The following TMC1 variants were observed in gnomAD, a reference collection of about 807,000 sequenced individuals.
The protein encoded by TMC1 is transmembrane channel-like protein 1.
A neutral mutation model predicts 105.8 loss-of-function variants in TMC1; 84 were observed. The ratio of observed to expected loss-of-function variants is 0.79; its 90% CI spans 0.67 to 0.95. The LOEUF (loss-of-function observed/expected upper bound fraction) is 0.95. Among genes scored for constraint, TMC1 ranks in the 40% least tolerant of loss-of-function variants. TMC1 has a pLI of 0.00. For missense variants in TMC1, 817 were observed against 914.1 expected (o/e 0.89, Z 1.37); for synonymous variants, 315 against 311.5 (o/e 1.01, Z -0.12).
In TMC1 at chr9:72,555,305, C is replaced by T. The variant is rs146150161; in HGVS notation, c.-427-22597C>T. Among the ~76,000 whole-genome samples, 340 of 151,632 alleles carry T rather than the reference C, an allele frequency of 2.2e-3. 3 individuals are homozygous for T. The highest frequency in any genetic ancestry group is 7.9e-3 in the African/African-American group (327 of 41,346). ...CCATCTCCCGGGTTCAAGTGATTCT[C>T]CTGCCTCAGCCTCCCAAGTAGATGG... On this transcript the variant is annotated intron_variant, in intron 1 of 23. Transcript: ENST00000297784.
At chr9:72,802,858 CT>C (rs199905213) in intron 17 of TMC1, among the ~76,000 whole-genome samples, 2,340 of 152,232 alleles carry the variant, frequency 0.015, 29 homozygotes, top group Non-Finnish European at 0.022. Context: ...CATTGACATT[CT>C]TCACAGAATT....
chr9:72,655,931 T>A (rs1825877671), intron 5 of TMC1: 1 of 798,782 alleles, frequency 1.3e-6, no homozygotes, highest in East Asian at 2.4e-5. Flanking sequence ...AGTCAATGAG[T>A]CGCTTGTGGA....
At chr9:72,600,276 G>A (rs1165671695) in intron 2 of TMC1, among the ~76,000 whole-genome samples, 3 of 152,166 alleles carry the variant, frequency 2.0e-5, no homozygotes, top group African/African-American at 7.2e-5. Context: ...CTATACTCAA[G>A]CAACAAAATG....
At chr9:72,675,885 C>T (rs1014383431) in intron 5 of TMC1, among the ~76,000 whole-genome samples, 1 of 152,050 alleles carries the variant, frequency 6.6e-6, no homozygotes, top group Non-Finnish European at 1.5e-5. Flanking sequence ...TGAGAGAAGT[C>T]GTGTAAATCT....
At chr9:72,758,170 C>A (rs547162098) in intron 12 of TMC1, among the ~76,000 whole-genome samples, 4 of 152,106 alleles carry the variant, frequency 2.6e-5, no homozygotes, top group Admixed American at 2.6e-4. Context: ...TTTGTTTTGG[C>A]AATGATTATA....
chr9:72,758,633 C>T (rs1467158290), intron 12 of TMC1, among the ~76,000 whole-genome samples: 1 of 152,124 alleles, frequency 6.6e-6, no homozygotes, highest in Non-Finnish European at 1.5e-5. Flanking sequence ...CCTTTAAGAA[C>T]TCCCATAGAA....
intron 13 of TMC1, among the ~76,000 whole-genome samples, chr9:72,781,080 T>G (rs955029587): frequency 1.3e-5 from 2 of 152,178 alleles, no homozygotes; most frequent in African/African-American, 4.8e-5. Context: ...AAAGCAATTC[T>G]CAGCAAATTA....
At chr9:72,603,459 A>G (rs1824854515) in intron 2 of TMC1, among the ~76,000 whole-genome samples, 1 of 151,456 alleles carries the variant, frequency 6.6e-6, no homozygotes, top group Non-Finnish European at 1.5e-5. Context: ...AGCATTTTTC[A>G]TGGGTATGTT....
intron 5 of TMC1, among the ~76,000 whole-genome samples, chr9:72,656,636 A>G (rs926124994): frequency 2.0e-5 from 3 of 152,136 alleles, no homozygotes; most frequent in Admixed American, 1.3e-4. Flanking sequence ...GGGAGGCAAT[A>G]TTTTCCCTAC....
At chr9:72,560,708 C>G (rs1328685829) in intron 1 of TMC1, among the ~76,000 whole-genome samples, 1 of 151,740 alleles carries the variant, frequency 6.6e-6, no homozygotes, top group Non-Finnish European at 1.5e-5. Flanking sequence ...CCGTGTTAGC[C>G]AGGATGGTCT....
At chr9:72,544,792 T>TA (rs996522933) in intron 1 of TMC1, among the ~76,000 whole-genome samples, 3 of 151,028 alleles carry the variant, frequency 2.0e-5, no homozygotes, top group Non-Finnish European at 3.0e-5. Context: ...TTTACCTTTT[T>TA]TTTTTTTAAT....
intron 8 of TMC1, among the ~76,000 whole-genome samples, chr9:72,720,330 C>T (rs562484039): frequency 2.0e-5 from 3 of 152,168 alleles, no homozygotes; most frequent in African/African-American, 7.2e-5. Context: ...ATGCTCAAAT[C>T]ACATGGCTTA....
rs777777359 is a variant in TMC1, at chr9:72,820,888, C to T, written c.1810C>T (p.Arg604Ter). Residue 604 changes from arginine to a stop codon, truncating the protein, a stop_gained, in exon 20 of 24, where the codon CGA (arginine) becomes TGA (stop). Transcript: ENST00000297784. LOFTEE classifies it high-confidence loss of function. ...CAGCCTCCCAGGCATCAATATCCTT[C>T]GACTCCATACATCCATGTACTTCCA... Reference protein sequence around the residue: ...APSLPGINILRLHTSMYFQCW... With the variant: ...APSLPGINIL 8 of 1,614,174 alleles carry T rather than the reference C, an allele frequency of 5.0e-6. No individual in the cohort carries two copies. The highest frequency in any genetic ancestry group is 2.2e-5 in the East Asian group (1 of 44,874).
chr9:72,664,448 T>C (rs1180398558), intron 5 of TMC1, among the ~76,000 whole-genome samples: 6 of 152,210 alleles, frequency 3.9e-5, no homozygotes, highest in Non-Finnish European at 7.3e-5. Flanking sequence ...CATTCCTGTT[T>C]GTGCATCCAA....
chr9:72,731,447 A>G (rs997579993), intron 8 of TMC1, among the ~76,000 whole-genome samples: 4 of 152,340 alleles, frequency 2.6e-5, no homozygotes, highest in African/African-American at 9.6e-5. Flanking sequence ...GAAAAGGAAG[A>G]AAATAGGTGT....
intron 10 of TMC1, among the ~76,000 whole-genome samples, chr9:72,746,735 C>T (rs1588062613): frequency 6.6e-6 from 1 of 152,104 alleles, no homozygotes; most frequent in Admixed American, 6.6e-5. Flanking sequence ...TAGTGTGAAG[C>T]GGATTCTCAC....
intron 5 of TMC1, among the ~76,000 whole-genome samples, chr9:72,675,071 T>C (rs143920141): frequency 1.2e-4 from 19 of 152,280 alleles, no homozygotes; most frequent in Non-Finnish European, 2.5e-4. Flanking sequence ...ACTAAATCTT[T>C]AAAATTCTCT....
chr9:72,772,354 C>A (rs1004156899), intron 12 of TMC1, 59 bp from the exon 13 acceptor site: 1 of 1,609,272 alleles, frequency 6.2e-7, no homozygotes, highest in African/African-American at 1.3e-5. Context: ...AAGAGTTGAT[C>A]TTTTCCTTTG....
chr9:72,615,996 C>A (rs1825120882), intron 2 of TMC1, among the ~76,000 whole-genome samples: 1 of 152,102 alleles, frequency 6.6e-6, no homozygotes, highest in African/African-American at 2.4e-5. Context: ...GATTCCTCGG[C>A]CCTAGCCTCC....
Sources: allele counts gnomAD v4.1 joint callset (sites outside exome capture counted in the v4.1 genomes callset), GRCh38; gene constraint gnomAD v4.1.1; transcripts MANE v1.5; gene names NCBI Gene and HGNC (gene_info 2026-07-23, HGNC 2026-07-21).